SLC12A7: variants seen among roughly 807,000 people sequenced by gnomAD.
SLC12A7 encodes the protein K-Cl cotransporter 4.
A neutral mutation model predicts 120.6 loss-of-function variants in SLC12A7; 100 were observed. That is an observed-to-expected ratio of 0.83 (90% confidence interval 0.71 to 0.98). The LOEUF is 0.98. Among genes scored for constraint, SLC12A7 ranks in the 50% least tolerant of loss-of-function variants. SLC12A7 has a pLI of 0.00. For synonymous variants in SLC12A7, 760 were observed against 678.0 expected, an observed-to-expected ratio of 1.12 and a Z score of -1.88; for missense variants, 1,373 against 1,548.1, an observed-to-expected ratio of 0.89 and a Z score of 1.90.
intron 1 of SLC12A7, among the ~76,000 whole-genome samples, chr5:1,094,551 G>A (rs1740891317): frequency 6.6e-6 from 1 of 152,124 alleles, no homozygotes; most frequent in Admixed American, 6.6e-5. Context: ...CTAGCTCCAG[G>A]GCATACGCTA....
intron 21 of SLC12A7, among the ~76,000 whole-genome samples, chr5:1,060,130 A>G (rs1218042321): frequency 1.3e-5 from 2 of 152,214 alleles, no homozygotes; most frequent in African/African-American, 4.8e-5. Context: ...CCGCACGCCC[A>G]GGCTCCGATG....
upstream of SLC12A7, among the ~76,000 whole-genome samples, chr5:1,115,176 G>T (rs1051682603): frequency 6.6e-6 from 1 of 152,232 alleles, no homozygotes; most frequent in Non-Finnish European, 1.5e-5. Context: ...GGTCATCTGC[G>T]ATGGCCTCTT....
chr5:1,112,343 C>CCCTCCTGCTGGAA (rs1407811056), upstream of SLC12A7, among the ~76,000 whole-genome samples: 2 of 50,354 alleles, frequency 4.0e-5, no homozygotes, highest in Non-Finnish European at 9.7e-5. Flanking sequence ...CCCTCCCCGC[C>CCCTCCTGCTGGAA]CTCCCCGGCC....
chr5:1,142,798 C>A, the SLC12A7 span, among the ~76,000 whole-genome samples: 1 of 151,364 alleles, frequency 6.6e-6, no homozygotes, highest in Non-Finnish European at 1.5e-5. Context: ...CAGCTGCCCC[C>A]CCCATACACA....
intron 3 of SLC12A7, among the ~76,000 whole-genome samples, chr5:1,091,138 C>A (rs1740452850): frequency 6.6e-6 from 1 of 152,242 alleles, no homozygotes; most frequent in South Asian, 2.1e-4. Flanking sequence ...TGCATATTGT[C>A]CCTGAGGGAC....
chr5:1,100,632 G>A (rs924393244), intron 1 of SLC12A7, among the ~76,000 whole-genome samples: 6 of 152,334 alleles, frequency 3.9e-5, no homozygotes, highest in South Asian at 2.1e-4. Context: ...TGCTGTTGAC[G>A]CGTGTGCCCA....
the SLC12A7 span, among the ~76,000 whole-genome samples, chr5:1,132,250 C>T: frequency 1.5e-4 from 23 of 152,082 alleles, no homozygotes; most frequent in Admixed American, 6.5e-5. Flanking sequence ...ACGGCAACGT[C>T]GGGAAGCTAC....
chr5:1,096,691 G>GAA (rs1174045658), intron 1 of SLC12A7, among the ~76,000 whole-genome samples: 3 of 99,042 alleles, frequency 3.0e-5, no homozygotes, highest in African/African-American at 4.2e-5. Flanking sequence ...GAGGGAGGGG[G>GAA]GAAGGGAGGG....
intron 17 of SLC12A7, among the ~76,000 whole-genome samples, chr5:1,069,750 C>T (rs942822714): frequency 2.6e-5 from 4 of 152,102 alleles, no homozygotes; most frequent in African/African-American, 7.2e-5. Context: ...GTGATGGGAC[C>T]CCACAGGCTT....
Position 1,074,656 on chromosome 5 carries a change from C to T in SLC12A7, c.1983G>A (p.Trp661Ter), listed in dbSNP as rs750122597. 2 of 1,612,698 alleles carry T rather than the reference C, an allele frequency of 1.2e-6. No individual in the cohort carries two copies. Among genetic ancestry groups the T allele is most frequent in the Middle Eastern group, 1.7e-4 (1 of 6,054 alleles). The change falls in exon 16 of 24, where the codon TGG becomes TGA. Residue 661 changes from tryptophan (W) to a stop codon, truncating the protein, a stop_gained. Transcript: ENST00000264930. LOFTEE classifies it high-confidence loss of function. Reference sequence around the variant, plus strand: ...GGGATAGGCCACGGATGCCATCGCCCCACTCCTTCTCGGCCCTGTGGGAAA... The same window carrying T: ...GGGATAGGCCACGGATGCCATCGCCTCACTCCTTCTCGGCCCTGTGGGAAA... ...YIEYRGAEKE[W>*]GDGIRGLSLN...
In SLC12A7 at chr5:1,065,362, C is replaced by G. The variant is rs758737204; in HGVS notation, c.2358G>C (p.Leu786=). 6.2e-7 allele frequency: 1 copy of G among 1,612,244 alleles called. No individual in the cohort carries two copies. The highest frequency in any genetic ancestry group is 1.1e-5 in the South Asian group (1 of 91,022). ...HLIQSAGLGG[L]KHNTVLMAWP... is the part of the protein sequence containing the mutation. ...AGGCCATGAGCACCGTGTTGTGCTT[C>G]AGGCCGCCCAGGCCGGCCGACTGGA... The change falls in exon 18 of 24, where the codon CTG becomes CTC. Residue 786 remains leucine, a synonymous_variant. Coordinates refer to ENST00000264930, the MANE Select transcript of SLC12A7 (RefSeq NM_006598.3).
chr5:1,080,674 G>A (rs1310484332), intron 9 of SLC12A7, among the ~76,000 whole-genome samples: 2 of 152,216 alleles, frequency 1.3e-5, no homozygotes, highest in Non-Finnish European at 2.9e-5. Flanking sequence ...CGAAGAGCAC[G>A]GGGCCTGGCC....
At chr5:1,103,819 C>T (rs754762613) in intron 1 of SLC12A7, among the ~76,000 whole-genome samples, 2 of 152,234 alleles carry the variant, frequency 1.3e-5, no homozygotes, top group Non-Finnish European at 2.9e-5. Context: ...AAGGTGGCCT[C>T]GGGTGAACTC....
At position 1,051,697 on chromosome 5, in the gene SLC12A7, C is replaced by T. The variant is rs1735056614; in HGVS notation, c.*663G>A. ...ACCACACACCCGACAGATGATCCAC[C>T]ACGTTCTGGAAAAGCCGAGTTCCCT... On this transcript the variant is annotated 3_prime_UTR_variant, in exon 24 of 24. Coordinates refer to ENST00000264930, the MANE Select transcript of SLC12A7 (RefSeq NM_006598.3). 1 of 152,380 alleles carries T rather than the reference C, an allele frequency of 6.6e-6. No homozygotes were observed. Among genetic ancestry groups the T allele is most frequent in the Non-Finnish European group, 1.5e-5 (1 of 68,184 alleles). 9.4% of individuals were successfully genotyped at this position (152,380 alleles called of 1,614,324 possible). A position where few individuals can be genotyped will look rare whatever the true frequency, so the allele number is the denominator to read the frequency against.
rs945954799 is a variant in SLC12A7 at position 1,081,513 on chromosome 5, C to A, written c.1297+64G>T. The A allele has an allele frequency of 5.2e-6, 8 of 1,538,998 alleles. No individual in the cohort carries two copies. The African/African-American group carries it at 5.4e-5, about 10-fold the overall frequency. ...CTCCAGCCTGGGTGACAGAGCAAGA[C>A]CTTGCCTCAAAAAAGAGAGGGAGAG... On this transcript the variant is annotated intron_variant, in intron 9 of 23. Coordinates refer to ENST00000264930, the MANE Select transcript of SLC12A7 (RefSeq NM_006598.3).
At chr5:1,074,491 G>A (rs985397602) in intron 16 of SLC12A7, 76 bp downstream of exon 16, 5 of 1,348,282 alleles carry the variant, frequency 3.7e-6, no homozygotes, top group East Asian at 4.6e-5. Flanking sequence ...GAGACTCAAA[G>A]GTCCCCACTC....
the SLC12A7 span, among the ~76,000 whole-genome samples, chr5:1,135,041 C>T: frequency 6.6e-6 from 1 of 152,076 alleles, no homozygotes; most frequent in African/African-American, 2.4e-5. Flanking sequence ...GCAGGAGAAT[C>T]GCTTGAACCC....
intron 3 of SLC12A7, among the ~76,000 whole-genome samples, chr5:1,089,700 G>A (rs1331488973): frequency 2.6e-5 from 4 of 152,164 alleles, no homozygotes; most frequent in Non-Finnish European, 2.9e-5. Context: ...GGGCCACCCC[G>A]CCTGCCCCAG....
At chr5:1,116,976 A>G (rs1743349228), upstream of SLC12A7, among the ~76,000 whole-genome samples, 1 of 152,222 alleles carries the variant, frequency 6.6e-6, no homozygotes, top group South Asian at 2.1e-4. Flanking sequence ...GATGTGGCCA[A>G]TCCTCTCTCA....
Sources: gnomAD v4.1 joint callset for allele counts (sites outside exome capture counted in the v4.1 genomes callset) on GRCh38, gnomAD v4.1.1 for gene constraint, MANE v1.5 for transcripts, NCBI Gene and HGNC (gene_info 2026-07-23, HGNC 2026-07-21) for gene names.